Variants in PHF12 observed in about 807,000 individuals in gnomAD.
PHF12 encodes PHD factor 1.
PHF12 carries 6 observed loss-of-function variants against 99.8 expected under a neutral mutation model. The ratio of observed to expected loss-of-function variants is 0.06; its 90% confidence interval spans 0.03 to 0.12. The LOEUF (loss-of-function observed/expected upper bound fraction) is 0.12. Ranked by LOEUF, PHF12 falls within the 10% of genes least tolerant of loss-of-function variation. PHF12 has a pLI of 1.00. For synonymous variants in PHF12, 480 were observed against 514.9 expected, an observed-to-expected ratio of 0.93 and a Z score of 0.92; for missense variants, 954 against 1,300.1, an observed-to-expected ratio of 0.73 and a Z score of 4.09.
chr17:28,948,291 T>TA (rs201588558), intron 2 of PHF12, among the ~76,000 whole-genome samples: 2,476 of 152,028 alleles, frequency 0.016, 57 homozygotes, highest in African/African-American at 0.056. Flanking sequence ...ACAAACACAC[T>TA]AAAAAAATGT....
At chr17:28,928,972 T>G (rs1376734474) in intron 2 of PHF12, among the ~76,000 whole-genome samples, 1 of 151,758 alleles carries the variant, frequency 6.6e-6, no homozygotes, top group Non-Finnish European at 1.5e-5. Context: ...GGCACGCGCC[T>G]GTAGTCCCAG....
chr17:28,912,030 ACT>A (rs2039969797), intron 9 of PHF12: 1 of 932,172 alleles, frequency 1.1e-6, no homozygotes, highest in Non-Finnish European at 1.3e-6. Flanking sequence ...CATCAGATTA[ACT>A]CTTTCTGAGA....
chr17:28,938,573 G>A (rs1365282798), intron 2 of PHF12, among the ~76,000 whole-genome samples: 3 of 152,130 alleles, frequency 2.0e-5, no homozygotes, highest in Non-Finnish European at 4.4e-5. Context: ...TTCCTAAGGA[G>A]GGACTTTGGT....
At chr17:28,943,662 CA>C (rs1333935775) in intron 2 of PHF12, among the ~76,000 whole-genome samples, 1 of 146,600 alleles carries the variant, frequency 6.8e-6, no homozygotes, top group Non-Finnish European at 1.5e-5. Context: ...CAAACAAAAC[CA>C]AAACCAACAA....
chr17:28,911,221 G>A lies in PHF12; in HGVS notation c.2106C>T (p.Pro702=), dbSNP rs143319936. The part of the protein sequence containing the change: ...PAPSSDGKVS[P]GTLSIGSALT... ...AAGCGCTTCCTATGGATAACGTGCC[G>A]GGGCTGACCTTGCCATCTGGGGACG... Residue 702 remains proline, a synonymous_variant, in exon 10 of 15, where the codon CCC becomes CCT. Transcript: ENST00000332830. The A allele has an allele frequency of 4.8e-5, 77 of 1,614,000 alleles. No homozygotes were observed. The highest frequency in any genetic ancestry group is 1.6e-4 in the Middle Eastern group (1 of 6,080).
At chr17:28,926,205 TC>T (rs1212700121) in intron 3 of PHF12, 1 of 155,080 alleles carries the variant, frequency 6.4e-6, no homozygotes, top group Non-Finnish European at 1.4e-5. Flanking sequence ...CTTAATCATC[TC>T]ATCCTGTTTC....
chr17:28,907,768 G>C (rs1051834576), intron 12 of PHF12, 96 bp from the exon 13 acceptor site: 1 of 1,182,588 alleles, frequency 8.5e-7, no homozygotes, highest in Non-Finnish European at 1.2e-6. Flanking sequence ...TTAGCTTCTG[G>C]GTTGGCACTA....
rs147060998 is a variant in PHF12, at chr17:28,906,436, C to A, written c.2762G>T (p.Arg921Leu). The A allele has an allele frequency of 6.2e-7, 1 of 1,614,086 alleles. No individual in the cohort carries two copies. The highest frequency in any genetic ancestry group is 8.5e-7 in the Non-Finnish European group (1 of 1,180,022). Residue 921 changes from arginine (R) to leucine (L), a missense_variant, in exon 15 of 15, where the codon CGG becomes CTG. Arg to Leu is a moderately radical substitution (Grantham distance 102). Coordinates refer to ENST00000332830, the MANE Select transcript of PHF12 (RefSeq NM_001033561.2). This position sits in a 1 kb window ranked among gnomAD's most constrained non-coding sequence, Gnocchi z 4.2. ...GCTGGCTTTGCAATTGCAGGGTCTCCGCTGCGGCCCCTGGGCCTGGGAACT... is the reference window on the plus strand; with the variant it reads ...GCTGGCTTTGCAATTGCAGGGTCTCAGCTGCGGCCCCTGGGCCTGGGAACT... ...MMSSQAQGPQ[R>L]RPCNCKASSS...
At position 28,951,413 on chromosome 17, in the gene PHF12, C is replaced by T. The variant is rs940232608; in HGVS notation, c.-453G>A. ...GGGGGGTGGTCCCCGGGCTCCGCCT[C>T]TCGCCGCCGCCGCCGTCTGCGTCCC... On this transcript the variant is annotated 5_prime_UTR_variant, in exon 1 of 15. Transcript: ENST00000332830. 9.1e-6 allele frequency: 9 copies of T among 987,628 alleles called. No individual in the cohort carries two copies. The highest frequency in any genetic ancestry group is 1.1e-5 in the Non-Finnish European group (9 of 831,428). The allele number at this position is 987,628 out of a possible 1,614,324, so 61.2% of individuals were successfully genotyped here.
At chr17:28,910,956 C>G in intron 10 of PHF12, 156 bp downstream of exon 10, 1 of 1,007,198 alleles carries the variant, frequency 9.9e-7, no homozygotes, top group Non-Finnish European at 1.4e-6. Context: ...TTTCACCCCG[C>G]CCCCCCATCC....
chr17:28,937,423 C>T (rs2040529839), intron 2 of PHF12, among the ~76,000 whole-genome samples: 3 of 152,178 alleles, frequency 2.0e-5, no homozygotes, highest in Non-Finnish European at 4.4e-5. Flanking sequence ...CCACAAAGTA[C>T]ATAAAAAGGT....
intron 11 of PHF12, 62 bp from the exon 12 acceptor site, chr17:28,908,943 A>G (rs910432831): frequency 6.8e-7 from 1 of 1,479,220 alleles, no homozygotes; most frequent in African/African-American, 1.4e-5. Flanking sequence ...CCAAACATAA[A>G]CCAACAAAAT....
chr17:28,935,364 C>T (rs181588239), intron 2 of PHF12, among the ~76,000 whole-genome samples: 7 of 152,226 alleles, frequency 4.6e-5, no homozygotes, highest in Admixed American at 2.0e-4. Flanking sequence ...CTCTGTCTCC[C>T]GGGTTCAAGA....
At chr17:28,935,675 T>C (rs1203580657) in intron 2 of PHF12, among the ~76,000 whole-genome samples, 3 of 152,248 alleles carry the variant, frequency 2.0e-5, no homozygotes, top group Non-Finnish European at 4.4e-5. Flanking sequence ...GTACATTCAA[T>C]TGGAGGGTAT....
chr17:28,921,586 G>T, intron 5 of PHF12, 102 bp downstream of exon 5: 1 of 1,407,666 alleles, frequency 7.1e-7, no homozygotes, highest in Non-Finnish European at 9.9e-7. Flanking sequence ...ATCAGAATAT[G>T]GGCTGTTCAC....
Position 28,950,828 on chromosome 17 carries a change from T to C in PHF12, c.66+67A>G. On this transcript the variant is annotated intron_variant, in intron 1 of 14. Coordinates refer to ENST00000332830, the MANE Select transcript of PHF12 (RefSeq NM_001033561.2). The surrounding 1 kb of genome is among the most constrained non-coding windows in gnomAD (Gnocchi z 5.7). Reference sequence around the variant, plus strand: ...AGGCGCTTCGAGTTTAGGACTGGCTTTGTGGGGCGGAGGGCGGAGGTTCCC... The same window carrying C: ...AGGCGCTTCGAGTTTAGGACTGGCTCTGTGGGGCGGAGGGCGGAGGTTCCC... The C allele has an allele frequency of 6.3e-7, 1 of 1,598,944 alleles. No homozygotes were observed. Among genetic ancestry groups the C allele is most frequent in the Non-Finnish European group, 8.5e-7 (1 of 1,170,870 alleles).
chr17:28,924,429 C>G (rs765526952), intron 3 of PHF12, 127 bp from the exon 4 acceptor site: 12 of 1,296,660 alleles, frequency 9.3e-6, no homozygotes, highest in Non-Finnish European at 1.3e-5. Context: ...ACTCATCTAC[C>G]TGGTCACTTG....
chr17:28,942,378 G>A (rs1047751576), intron 2 of PHF12, among the ~76,000 whole-genome samples: 18 of 152,038 alleles, frequency 1.2e-4, no homozygotes, highest in African/African-American at 3.6e-4. Context: ...AAAATTAGCC[G>A]GGTGTAGTGG....
At chr17:28,934,181 G>C (rs760536078) in intron 2 of PHF12, among the ~76,000 whole-genome samples, 29 of 152,156 alleles carry the variant, frequency 1.9e-4, no homozygotes, top group Non-Finnish European at 4.1e-4. Flanking sequence ...GGGATCATGG[G>C]CTGGAGATAA....
Sources: allele counts gnomAD v4.1 joint callset (sites outside exome capture counted in the v4.1 genomes callset), GRCh38; gene constraint gnomAD v4.1.1; non-coding constraint Gnocchi (gnomAD v3.1); transcripts MANE v1.5; gene names NCBI Gene and HGNC (gene_info 2026-07-23, HGNC 2026-07-21).